The following ZNF318 variants were observed in gnomAD, a reference collection of about 807,000 sequenced individuals.
ZNF318 encodes the protein zinc finger protein 318.
Under a neutral mutation model 124.2 loss-of-function variants are expected in ZNF318, and 51 were observed. The ratio of observed to expected loss-of-function variants is 0.41; its 90% confidence interval spans 0.33 to 0.52. The LOEUF is 0.52. Among genes scored for constraint, ZNF318 ranks in the 20% least tolerant of loss-of-function variants. The pLI, the probability that ZNF318 is intolerant of heterozygous loss-of-function variation, is 0.23. For synonymous variants in ZNF318, 1,090 were observed against 1,040.7 expected (o/e 1.05, Z -0.91); for missense variants, 2,815 against 2,811.2 (o/e 1.00, Z -0.03).
chr6:43,357,693 G>A lies in ZNF318; in HGVS notation c.621C>T (p.Ser207=), dbSNP rs1467994542. ...AGGGACTGAGAGGCCCTTCCTCCTGGGAAATATATCGCTCAAGACCCCGAG... is the reference window on the plus strand; with the variant it reads ...AGGGACTGAGAGGCCCTTCCTCCTGAGAAATATATCGCTCAAGACCCCGAG... The part of the protein sequence containing the change: ...QCSRGLERYI[S]QEEGPLSPFL... The change falls in exon 3 of 10, where the codon TCC becomes TCT. Residue 207 remains serine (S), a synonymous_variant. Coordinates refer to ENST00000361428, the MANE Select transcript of ZNF318 (RefSeq NM_014345.3). The A allele has an allele frequency of 1.2e-6, 2 of 1,612,274 alleles. No individual in the cohort carries two copies. Among genetic ancestry groups the A allele is most frequent in the South Asian group, 2.2e-5 (2 of 91,070 alleles).
At chr6:43,347,716 G>C (rs1779465893) in intron 6 of ZNF318, among the ~76,000 whole-genome samples, 1 of 152,176 alleles carries the variant, frequency 6.6e-6, no homozygotes, top group Non-Finnish European at 1.5e-5. Context: ...ACTGGCAATT[G>C]TCACATGGCA....
rs1301656511 is a variant in ZNF318, at chr6:43,338,396, C to T, written c.5602G>A (p.Asp1868Asn). ...GACCTAGCTTCTGATAAAAATGAGTCTAATTTTGCCTTTGTGAAAGAGCAA... is the reference window on the plus strand; with the variant it reads ...GACCTAGCTTCTGATAAAAATGAGTTTAATTTTGCCTTTGTGAAAGAGCAA... ...QACSFTKAKL[D>N]SFLSEARSLL... is the part of the protein sequence containing the mutation. Residue 1868 changes from aspartate (D) to asparagine (N), a missense_variant, in exon 10 of 10, where the codon GAC becomes AAC. Physicochemically the swap from Asp to Asn is conservative, Grantham distance 23. Around this residue, in one of 4 missense-constraint regions of ZNF318, gnomAD observed 927 missense variants for 820.6 expected, o/e 1.13. Coordinates refer to ENST00000361428, the MANE Select transcript of ZNF318 (RefSeq NM_014345.3). 6 of 1,614,068 alleles carry T rather than the reference C, an allele frequency of 3.7e-6. No homozygotes were observed. The highest frequency in any genetic ancestry group is 4.2e-6 in the Non-Finnish European group (5 of 1,180,046).
intron 9 of ZNF318, 123 bp downstream of exon 9, chr6:43,340,667 A>G (rs1779362523): frequency 6.6e-7 from 1 of 1,504,982 alleles, no homozygotes; most frequent in African/African-American, 1.4e-5. Flanking sequence ...GATTGAGGAG[A>G]ACTTAGAGGT....
At position 43,346,181 on chromosome 6, in the gene ZNF318, C is replaced by CA. The variant is rs150168420; in HGVS notation, c.3072+2142dup. 8.2e-3 allele frequency among the ~76,000 whole-genome samples: 592 copies of CA among 72,114 alleles called. 17 individuals carry two copies. Among genetic ancestry groups the CA allele is most frequent in the East Asian group, 0.019 (43 of 2,214 alleles). 47.3% of individuals were successfully genotyped at this position (72,114 alleles called of 152,430 possible). ...CACGCCACAGAATAAGACTCTGTTT[C>CA]AAAAAAAAAAAAAAAAAAAAAAAAA... On this transcript the variant is annotated intron_variant, in intron 6 of 9. Coordinates refer to ENST00000361428, the MANE Select transcript of ZNF318 (RefSeq NM_014345.3).
At chr6:43,357,896 A>G (rs576257445) in intron 2 of ZNF318, 131 bp from the exon 3 acceptor site, 58 of 811,980 alleles carry the variant, frequency 7.1e-5, no homozygotes, top group African/African-American at 4.4e-4. Context: ...ATGAAGTCCA[A>G]GAACATTTCC....
intron 1 of ZNF318, among the ~76,000 whole-genome samples, chr6:43,367,531 G>A (rs1779778082): frequency 6.6e-6 from 1 of 152,180 alleles, no homozygotes; most frequent in South Asian, 2.1e-4. Context: ...ATGTATTCTA[G>A]AGGTAAAGCT....
chr6:43,342,753 A>G lies in ZNF318; in HGVS notation c.3199T>C (p.Trp1067Arg). Residue 1067 changes from tryptophan (W) to arginine (R), a missense_variant, in exon 7 of 10, where the codon TGG becomes CGG. By Grantham distance (101) the Trp-to-Arg change is moderately radical (BLOSUM62 -3). This residue lies in a region of ZNF318 where 500 missense variants were observed against 605.2 expected (regional missense o/e 0.83). Coordinates refer to ENST00000361428, the MANE Select transcript of ZNF318 (RefSeq NM_014345.3). The stretch of plus-strand genomic sequence containing the variant: ...CAGATGGTGTTGCAGTCTTTGCACC[A>G]GTGATTGCCAGCATCATAATACTCA... ...AYEYYDAGNH[W>R]CKDCNTICGT... 1 of 1,614,228 alleles carries G rather than the reference A, an allele frequency of 6.2e-7. No individual in the cohort carries two copies. Among genetic ancestry groups the G allele is most frequent in the Non-Finnish European group, 8.5e-7 (1 of 1,180,036 alleles).
At position 43,338,522 on chromosome 6, in the gene ZNF318, G is replaced by T; in HGVS notation, c.5476C>A (p.Pro1826Thr). 1 of 1,614,144 alleles carries T rather than the reference G, an allele frequency of 6.2e-7. No individual in the cohort carries two copies. Among genetic ancestry groups the T allele is most frequent in the Non-Finnish European group, 8.5e-7 (1 of 1,180,028 alleles). The change falls in exon 10 of 10, where the codon CCC becomes ACC. Residue 1826 changes from proline to threonine, a missense_variant. Pro to Thr is a conservative substitution (Grantham distance 38, BLOSUM62 -1). This residue lies in a region of ZNF318 where 927 missense variants were observed against 820.6 expected (regional missense o/e 1.13). Transcript: ENST00000361428. ...TCTTTGTCAATCATTAGCAAGTTGG[G>T]CTGTTTTACTTCTCCCTCCCACATG... is the stretch of plus-strand genomic sequence containing the variant. The part of the protein sequence containing the change: ...RYMWEGEVKQ[P>T]NLLMIDKEAE...
chr6:43,342,060 C>T, intron 8 of ZNF318, 52 bp downstream of exon 8: 4 of 1,496,520 alleles, frequency 2.7e-6, no homozygotes, highest in Non-Finnish European at 3.7e-6. Flanking sequence ...AGGGACACCT[C>T]TTCCTCAACT....
chr6:43,357,560 G>C lies in ZNF318; in HGVS notation c.754C>G (p.Arg252Gly). The change falls in exon 3 of 10, where the codon CGG becomes GGG. Residue 252 changes from arginine to glycine, a missense_variant. Physicochemically the swap from Arg to Gly is moderately radical, Grantham distance 125. Around this residue, in one of 4 missense-constraint regions of ZNF318, gnomAD observed 1,377 missense variants for 1,353.5 expected, o/e 1.02. Coordinates refer to ENST00000361428, the MANE Select transcript of ZNF318 (RefSeq NM_014345.3). ...CHDELLRGTE[R>G]NREKLKGYSI... is the part of the protein sequence containing the mutation. ...TAGCCTTTGAGTTTTTCTCGATTCC[G>C]TTCTGTTCCCCGCAACAGCTCATCA... is the stretch of plus-strand genomic sequence containing the variant. 4 of 1,613,976 alleles carry C rather than the reference G, an allele frequency of 2.5e-6. No individual in the cohort carries two copies. The highest frequency in any genetic ancestry group is 1.7e-5 in the Admixed American group (1 of 60,008).
At position 43,356,120 on chromosome 6, in the gene ZNF318, C is replaced by G; in HGVS notation, c.1214G>C (p.Ser405Thr). The change falls in exon 4 of 10, where the codon AGC (serine) becomes ACC (threonine). Residue 405 changes from serine to threonine, a missense_variant. By Grantham distance (58) the Ser-to-Thr change is moderately conservative. Coordinates refer to ENST00000361428, the MANE Select transcript of ZNF318 (RefSeq NM_014345.3). The stretch of plus-strand genomic sequence containing the variant: ...GTAGAGAGGGTGATCCTGGCTGGAG[C>G]TGGTACTGCTGGAAAAACTCTCAAG... Reference protein sequence around the residue: ...MQLESFSSSTSSSQDHPLYSG... With the variant: ...MQLESFSSSTTSSQDHPLYSG... 1 of 1,611,772 alleles carries G rather than the reference C, an allele frequency of 6.2e-7. No homozygotes were observed. Among genetic ancestry groups the G allele is most frequent in the Middle Eastern group, 1.7e-4 (1 of 6,036 alleles).
rs141329459 is a variant in ZNF318 at position 43,340,757 on chromosome 6, T to C, written c.3495+33A>G. Reference sequence around the variant, plus strand: ...AGTCAAAATAATTACTTCAGAAAAGTTGGAAACTCCACAGCCTACTACAAA... The same window carrying C: ...AGTCAAAATAATTACTTCAGAAAAGCTGGAAACTCCACAGCCTACTACAAA... On this transcript the variant is annotated intron_variant, in intron 9 of 9. Coordinates refer to ENST00000361428, the MANE Select transcript of ZNF318 (RefSeq NM_014345.3). 3.4e-5 allele frequency: 53 copies of C among 1,580,604 alleles called. 1 individual carries two copies. The African/African-American group carries it at 4.1e-4, about 12-fold the overall frequency.
At chr6:43,360,635 C>G (rs1382442848) in intron 2 of ZNF318, among the ~76,000 whole-genome samples, 1 of 151,962 alleles carries the variant, frequency 6.6e-6, no homozygotes, top group Non-Finnish European at 1.5e-5. Context: ...ACTTTTATAC[C>G]AATGTTCAGA....
rs891622189 is a variant in ZNF318 at position 43,342,132 on chromosome 6, T to C, written c.3356A>G (p.Lys1119Arg). 7 of 1,614,148 alleles carry C rather than the reference T, an allele frequency of 4.3e-6. No individual in the cohort carries two copies. Among genetic ancestry groups the C allele is most frequent in the Non-Finnish European group, 4.2e-6 (5 of 1,179,980 alleles). Reference protein sequence around the residue: ...AKQDAIKRTDKITVPAKGSEF... With the variant: ...AKQDAIKRTDRITVPAKGSEF... Reference sequence around the variant, plus strand: ...CATACCTTTTGCAGGAACAGTTATCTTGTCAGTGCGCTTTATGGCATCTTG... The same window carrying C: ...CATACCTTTTGCAGGAACAGTTATCCTGTCAGTGCGCTTTATGGCATCTTG... The change falls in exon 8 of 10, where the codon AAG becomes AGG. Residue 1119 changes from lysine (K) to arginine (R), a missense_variant. Coordinates refer to ENST00000361428, the MANE Select transcript of ZNF318 (RefSeq NM_014345.3).
At position 43,338,006 on chromosome 6, in the gene ZNF318, G is replaced by A. The variant is rs751194736; in HGVS notation, c.5992C>T (p.Leu1998=). The change falls in exon 10 of 10, where the codon CTA becomes TTA. Residue 1998 remains leucine, a synonymous_variant. Transcript: ENST00000361428. The part of the protein sequence containing the change: ...ELTVTIESKA[L]EDFEATDLKV... The stretch of plus-strand genomic sequence containing the variant: ...AAGTCTGTAGCTTCAAAGTCTTCTA[G>A]GGCCTTGCTTTCTATTGTCACTGTT... 2.7e-5 allele frequency: 43 copies of A among 1,614,014 alleles called. No homozygotes were observed. The highest frequency in any genetic ancestry group is 3.3e-5 in the Non-Finnish European group (39 of 1,180,034).
intron 5 of ZNF318, among the ~76,000 whole-genome samples, chr6:43,350,203 T>C (rs1779506357): frequency 6.6e-6 from 1 of 152,042 alleles, no homozygotes; most frequent in Admixed American, 6.5e-5. Context: ...TGAGCTGAGA[T>C]TGCATCACTG....
chr6:43,355,568 T>C lies in ZNF318; in HGVS notation c.1766A>G (p.Tyr589Cys), dbSNP rs1779595045. 2 of 1,614,198 alleles carry C rather than the reference T, an allele frequency of 1.2e-6. No individual in the cohort carries two copies. The highest frequency in any genetic ancestry group is 1.7e-6 in the Non-Finnish European group (2 of 1,180,028). The change falls in exon 4 of 10, where the codon TAT (tyrosine) becomes TGT (cysteine). Residue 589 changes from tyrosine (Y) to cysteine (C), a missense_variant. Transcript: ENST00000361428. ...LESLEETNPEYAKIHDLLKTI... is the reference protein window; with the variant it reads ...LESLEETNPECAKIHDLLKTI... ...CTTGAGCAAGTCATGGATCTTCGCA[T>C]ATTCTGGATTGGTCTCTTCTAGTGA...
Position 43,337,198 on chromosome 6 carries a change from C to A in ZNF318, c.6800G>T (p.Gly2267Val). 6.2e-7 allele frequency: 1 copy of A among 1,612,516 alleles called. No individual in the cohort carries two copies. Among genetic ancestry groups the A allele is most frequent in the Non-Finnish European group, 8.5e-7 (1 of 1,179,096 alleles). ...QGMPEQETTV[G>V]AIQDHTESSV... ...GGATTCTGTGTGGTCCTGGATGGCA[C>A]CAACTGTAGTTTCCTGTTCAGGCAT... is the stretch of plus-strand genomic sequence containing the variant. Residue 2267 changes from glycine (G) to valine (V), a missense_variant, in exon 10 of 10, where the codon GGT (glycine) becomes GTT (valine). This residue lies in a region of ZNF318 where 927 missense variants were observed against 820.6 expected (regional missense o/e 1.13). Coordinates refer to ENST00000361428, the MANE Select transcript of ZNF318 (RefSeq NM_014345.3).
intron 2 of ZNF318, chr6:43,364,247 A>C: frequency 1.6e-6 from 1 of 608,526 alleles, no homozygotes; most frequent in Non-Finnish European, 2.9e-6. Flanking sequence ...GACACACACC[A>C]GAGTCTCTGT....
Sources: allele counts gnomAD v4.1 joint callset (sites outside exome capture counted in the v4.1 genomes callset), GRCh38; gene constraint gnomAD v4.1.1; regional missense constraint gnomAD v4.1.1; transcripts MANE v1.5; gene names NCBI Gene and HGNC (gene_info 2026-07-23, HGNC 2026-07-21).